LIPA: variants seen among roughly 807,000 people sequenced by gnomAD.
LIPA encodes the protein lysosomal acid lipase/cholesteryl ester hydrolase.
In LIPA, 26 loss-of-function variants were observed where a neutral mutation model predicts 40.6. The observed-to-expected ratio is 0.64, with a 90% CI of 0.47 to 0.89. The LOEUF (loss-of-function observed/expected upper bound fraction) is 0.89, where lower values mean the gene tolerates loss of function less well. Ranked by LOEUF, LIPA falls within the 40% of genes least tolerant of loss-of-function variation. The pLI is 0.00. For missense variants in LIPA, 455 were observed against 479.6 expected, an observed-to-expected ratio of 0.95 and a Z score of 0.48; for synonymous variants, 188 against 168.4, an observed-to-expected ratio of 1.12 and a Z score of -0.90.
chr10:89,316,842 C>T (rs1400019626), intron 1 of LIPA, among the ~76,000 whole-genome samples: 1 of 152,232 alleles, frequency 6.6e-6, no homozygotes, highest in African/African-American at 2.4e-5. Flanking sequence ...GGCTGACTGA[C>T]ACCTCATACG....
chr10:89,266,711 C>A (rs1843238091), intron 1 of LIPA, among the ~76,000 whole-genome samples: 1 of 152,180 alleles, frequency 6.6e-6, no homozygotes. Context: ...TGACTATTTT[C>A]CATTTCCCAG....
chr10:89,344,228 T>G (rs990071422), upstream of LIPA, among the ~76,000 whole-genome samples: 1 of 152,328 alleles, frequency 6.6e-6, no homozygotes, highest in East Asian at 1.9e-4. Flanking sequence ...AATGCACAGC[T>G]GCATTTATAA....
Position 89,223,716 on chromosome 10 carries a change from G to A in LIPA, c.790C>T (p.Leu264=), listed in dbSNP as rs1376134534. 6.2e-7 allele frequency: 1 copy of A among 1,612,830 alleles called. No homozygotes were observed. The highest frequency in any genetic ancestry group is 1.7e-5 in the Admixed American group (1 of 60,010). ...KELCGNLCFL[L]CGFNERNLNM... ...AAATTTCTCTCATTAAATCCACACA[G>A]AAGAAAACAGAGATTTCCACAGAGC... is the stretch of plus-strand genomic sequence containing the variant. The change falls in exon 7 of 10, where the codon CTG becomes TTG. Residue 264 remains leucine (L), a synonymous_variant. Coordinates refer to ENST00000336233, the MANE Select transcript of LIPA (RefSeq NM_000235.4).
intron 8 of LIPA, among the ~76,000 whole-genome samples, chr10:89,220,216 T>C (rs1483302525): frequency 6.6e-6 from 1 of 152,214 alleles, no homozygotes; most frequent in African/African-American, 2.4e-5. Context: ...TGTACTTTGC[T>C]GAGGCCTGGC....
intron 2 of LIPA, among the ~76,000 whole-genome samples, chr10:89,368,273 A>G (rs1260933018): frequency 1.3e-5 from 2 of 152,202 alleles, no homozygotes; most frequent in African/African-American, 4.8e-5. Context: ...TTCCCCAGTG[A>G]TCCTATTGTA....
intron 1 of LIPA, among the ~76,000 whole-genome samples, chr10:89,323,507 A>T (rs1843582382): frequency 6.6e-6 from 1 of 152,068 alleles, no homozygotes; most frequent in African/African-American, 2.4e-5. Context: ...CTATCTTTGC[A>T]GACAATTTGA....
At chr10:89,347,298 A>G (rs1843929501), upstream of LIPA, among the ~76,000 whole-genome samples, 1 of 152,210 alleles carries the variant, frequency 6.6e-6, no homozygotes, top group Non-Finnish European at 1.5e-5. Context: ...CAAGGGTTTT[A>G]CTGGGGACTG....
At chr10:89,306,200 C>T in intron 1 of LIPA, 2 of 1,614,122 alleles carry the variant, frequency 1.2e-6, no homozygotes, top group Non-Finnish European at 1.7e-6. Context: ...AGAGTTAATC[C>T]AGCAAGAGCA....
intron 3 of LIPA, among the ~76,000 whole-genome samples, chr10:89,237,395 G>C (rs1842917899): frequency 6.6e-6 from 1 of 152,124 alleles, no homozygotes; most frequent in South Asian, 2.1e-4. Flanking sequence ...TAAATTCCTA[G>C]AGGAAAATGT....
chr10:89,279,508 G>T (rs1843304986), intron 1 of LIPA, among the ~76,000 whole-genome samples: 1 of 152,202 alleles, frequency 6.6e-6, no homozygotes, highest in Non-Finnish European at 1.5e-5. Context: ...TTTATGGAAG[G>T]ATTCCAGATT....
intron 2 of LIPA, among the ~76,000 whole-genome samples, chr10:89,391,975 G>T (rs1274289379): frequency 1.3e-5 from 2 of 152,176 alleles, no homozygotes; most frequent in Non-Finnish European, 2.9e-5. Flanking sequence ...ATTTGATTCA[G>T]AATGACAGTG....
intron 2 of LIPA, chr10:89,402,753 G>A (rs2133631174): frequency 6.2e-7 from 1 of 1,614,206 alleles, no homozygotes; most frequent in East Asian, 2.2e-5. Context: ...TTATGAACGG[G>A]CCAAGGCCTG....
At chr10:89,384,776 C>G in intron 2 of LIPA, 1 of 1,437,472 alleles carries the variant, frequency 7.0e-7, no homozygotes, top group South Asian at 1.3e-5. Context: ...GGTCTTATAA[C>G]TAAATAGAAT....
chr10:89,237,407 T>A (rs1842918195), intron 3 of LIPA, among the ~76,000 whole-genome samples: 1 of 152,162 alleles, frequency 6.6e-6, no homozygotes, highest in African/African-American at 2.4e-5. Flanking sequence ...GGAAAATGTA[T>A]CTGCCTGAAC....
intron 5 of LIPA, 25 bp from the exon 6 acceptor site, chr10:89,225,253 A>T (rs1842753859): frequency 6.2e-7 from 1 of 1,613,946 alleles, no homozygotes. Context: ...GACAGAAAAC[A>T]GGAATTCCAT....
At chr10:89,403,212 C>A in intron 2 of LIPA, 1 of 1,614,006 alleles carries the variant, frequency 6.2e-7, no homozygotes, top group East Asian at 2.2e-5. Context: ...GCCTAGAGGG[C>A]AGAACAGAGA....
Position 89,213,801 on chromosome 10 carries a change from C to T in LIPA, c.*1027G>A, listed in dbSNP as rs1374158398. ...AAATATGGACTTCCCAACATAGGGA[C>T]GTGAAGCAGGTGTATTAAAAATAAG... On this transcript the variant is annotated 3_prime_UTR_variant, in exon 10 of 10. Transcript: ENST00000336233. 3 of 152,156 alleles carry T rather than the reference C, an allele frequency of 2.0e-5. No homozygotes were observed. Among genetic ancestry groups the T allele is most frequent in the South Asian group, 2.1e-4 (1 of 4,828 alleles). 9.4% of individuals were successfully genotyped at this position (152,156 alleles called of 1,614,324 possible).
chr10:89,372,745 T>A (rs751051603), intron 2 of LIPA, among the ~76,000 whole-genome samples: 1 of 152,236 alleles, frequency 6.6e-6, no homozygotes, highest in Non-Finnish European at 1.5e-5. Context: ...GCATTGAACT[T>A]CTTTTTTCAG....
chr10:89,402,197 C>A, intron 2 of LIPA: 1 of 808,412 alleles, frequency 1.2e-6, no homozygotes, highest in South Asian at 1.7e-5. Context: ...CAAGGATAAG[C>A]ACTAAAATAC....
Sources: gnomAD v4.1 joint callset for allele counts (sites outside exome capture counted in the v4.1 genomes callset) on GRCh38, gnomAD v4.1.1 for gene constraint, MANE v1.5 for transcripts, NCBI Gene and HGNC (gene_info 2026-07-23, HGNC 2026-07-21) for gene names.